The following MED27 variants were observed in gnomAD, a reference collection of about 807,000 sequenced individuals.
MED27 encodes the protein mediator complex subunit 27, also known as mediator of RNA polymerase II transcription subunit 27.
In MED27, 30 loss-of-function variants were observed where a neutral mutation model predicts 38.2. The observed-to-expected ratio is 0.79, with a 90% confidence interval of 0.59 to 1.07. The LOEUF (loss-of-function observed/expected upper bound fraction) is 1.07, where lower values mean the gene tolerates loss of function less well. MED27 is among the 50% of genes least tolerant of loss of function. The pLI, the probability that MED27 is intolerant of heterozygous loss-of-function variation, is 0.00. For missense variants in MED27, 289 were observed against 397.5 expected, an observed-to-expected ratio of 0.73 and a Z score of 2.32; for synonymous variants, 122 against 153.5, an observed-to-expected ratio of 0.79 and a Z score of 1.52.
intron 3 of MED27, among the ~76,000 whole-genome samples, chr9:131,946,893 A>G (rs1319144023): frequency 2.6e-5 from 4 of 152,182 alleles, no homozygotes; most frequent in African/African-American, 9.7e-5. Context: ...TTGGCACCCC[A>G]TCAGTCAGTG....
chr9:132,059,580 C>T (rs940297516), intron 2 of MED27, among the ~76,000 whole-genome samples: 2 of 152,114 alleles, frequency 1.3e-5, no homozygotes, highest in African/African-American at 2.4e-5. Flanking sequence ...ATCTGAGGGG[C>T]GGGCCGAGGG....
At chr9:131,961,801 G>GCT (rs1014294733) in intron 3 of MED27, among the ~76,000 whole-genome samples, 3 of 151,654 alleles carry the variant, frequency 2.0e-5, no homozygotes, top group African/African-American at 4.8e-5. Context: ...GCCTTCTTCT[G>GCT]CTCTCTCTCT....
At chr9:131,948,115 G>C (rs1830917802) in intron 3 of MED27, among the ~76,000 whole-genome samples, 1 of 152,142 alleles carries the variant, frequency 6.6e-6, no homozygotes, top group African/African-American at 2.4e-5. Context: ...TTACTTCTCA[G>C]ATTTATAAAA....
intron 2 of MED27, among the ~76,000 whole-genome samples, chr9:132,058,049 T>A (rs983894126): frequency 1.3e-5 from 2 of 152,228 alleles, no homozygotes; most frequent in Admixed American, 1.3e-4. Flanking sequence ...GTGATAATCC[T>A]ATTTTTTTAA....
intron 4 of MED27, among the ~76,000 whole-genome samples, chr9:131,928,614 T>C (rs972904126): frequency 6.6e-6 from 1 of 152,020 alleles, no homozygotes; most frequent in African/African-American, 2.4e-5. Flanking sequence ...CCTGACACAG[T>C]GGAGAGTAAA....
At chr9:131,897,973 C>G (rs574063528) in intron 4 of MED27, among the ~76,000 whole-genome samples, 2 of 152,248 alleles carry the variant, frequency 1.3e-5, no homozygotes, top group East Asian at 1.9e-4. Flanking sequence ...GCTGAAGAAA[C>G]TGGGTTATCT....
intron 2 of MED27, among the ~76,000 whole-genome samples, chr9:132,034,203 A>G (rs1056944068): frequency 6.6e-6 from 1 of 152,222 alleles, no homozygotes; most frequent in Non-Finnish European, 1.5e-5. Flanking sequence ...CCCCAAAGGC[A>G]TAACATATCA....
chr9:131,866,238 C>A (rs1342817913), intron 6 of MED27, among the ~76,000 whole-genome samples: 1 of 152,230 alleles, frequency 6.6e-6, no homozygotes, highest in Admixed American at 6.5e-5. Context: ...CTCAGCTGAC[C>A]TCTGGACTTG....
chr9:131,954,245 A>C (rs1232057113), intron 3 of MED27, among the ~76,000 whole-genome samples: 1 of 152,180 alleles, frequency 6.6e-6, no homozygotes, highest in Admixed American at 6.5e-5. Flanking sequence ...ATCAGCTGGG[A>C]GCTGACCACA....
chr9:131,910,106 G>A (rs1296581102), intron 4 of MED27, among the ~76,000 whole-genome samples: 6 of 152,128 alleles, frequency 3.9e-5, no homozygotes, highest in East Asian at 3.8e-4. Flanking sequence ...AAACCGAGGC[G>A]CTGGTATTTA....
intron 3 of MED27, among the ~76,000 whole-genome samples, chr9:131,969,963 G>A (rs1160637777): frequency 6.6e-6 from 1 of 151,972 alleles, no homozygotes; most frequent in Non-Finnish European, 1.5e-5. Context: ...GAGGCTGGAG[G>A]GCTGGGGGGG....
chr9:132,074,955 C>T (rs555200978), intron 2 of MED27, among the ~76,000 whole-genome samples: 22 of 152,336 alleles, frequency 1.4e-4, no homozygotes, highest in African/African-American at 4.8e-4. Context: ...CCAACATACA[C>T]ACAGCCTCAG....
intron 6 of MED27, among the ~76,000 whole-genome samples, chr9:131,875,524 G>A (rs1838915684): frequency 6.6e-6 from 1 of 152,214 alleles, no homozygotes; most frequent in South Asian, 2.1e-4. Flanking sequence ...GAGGAAGCCT[G>A]CCCACAGGGG....
At chr9:131,999,234 T>C (rs540337960) in intron 3 of MED27, among the ~76,000 whole-genome samples, 6 of 152,120 alleles carry the variant, frequency 3.9e-5, no homozygotes, top group African/African-American at 1.2e-4. Context: ...TAAGAGAGAG[T>C]TGGAAGGTGA....
chr9:132,049,521 A>G (rs1330464387), intron 2 of MED27, among the ~76,000 whole-genome samples: 1 of 152,154 alleles, frequency 6.6e-6, no homozygotes, highest in Non-Finnish European at 1.5e-5. Flanking sequence ...GAGGCAACAG[A>G]CTGGGAGCAG....
intron 2 of MED27, among the ~76,000 whole-genome samples, chr9:132,045,127 G>A (rs527609438): frequency 9.2e-5 from 14 of 151,798 alleles, no homozygotes; most frequent in African/African-American, 3.4e-4. Flanking sequence ...AACAAATTGG[G>A]GAGATACTTT....
At chr9:132,001,474 G>GGA (rs1832233221) in intron 3 of MED27, among the ~76,000 whole-genome samples, 1 of 152,126 alleles carries the variant, frequency 6.6e-6, no homozygotes, top group Admixed American at 6.5e-5. Flanking sequence ...AATGCATTAT[G>GGA]CTTAGTCATA....
At chr9:131,931,539 A>T (rs1418844833) in intron 4 of MED27, among the ~76,000 whole-genome samples, 1 of 152,194 alleles carries the variant, frequency 6.6e-6, no homozygotes, top group Non-Finnish European at 1.5e-5. Context: ...AAATATAAGT[A>T]AACTCTCCAA....
At chr9:131,978,807 T>C (rs1831669468) in intron 3 of MED27, among the ~76,000 whole-genome samples, 1 of 152,238 alleles carries the variant, frequency 6.6e-6, no homozygotes, top group African/African-American at 2.4e-5. Flanking sequence ...TCAGAACAAC[T>C]GCAGAGCTGG....
Sources: gnomAD v4.1 joint callset for allele counts (sites outside exome capture counted in the v4.1 genomes callset) on GRCh38, gnomAD v4.1.1 for gene constraint, MANE v1.5 for transcripts, NCBI Gene and HGNC (gene_info 2026-07-23, HGNC 2026-07-21) for gene names.